The following KY variants were observed in gnomAD, a reference collection of about 807,000 sequenced individuals.
The protein encoded by KY is kyphoscoliosis peptidase.
In KY, 43 loss-of-function variants were observed where a neutral mutation model predicts 76.1. The ratio of observed to expected loss-of-function variants is 0.57; its 90% confidence interval spans 0.44 to 0.73. KY has a LOEUF of 0.73. Ranked by LOEUF, KY falls within the 30% of genes least tolerant of loss-of-function variation. The pLI is 0.00. For synonymous variants in KY, 277 were observed against 326.2 expected (o/e 0.85, Z 1.63); for missense variants, 722 against 828.9 (o/e 0.87, Z 1.58).
rs1045601871 is a variant in KY, at chr3:134,602,645, A to G, written c.*934T>C. ...TCAGGGCTATCCACAAGACTCCCCA[A>G]GGGCCTGGCCAGCCTCTGGAGGCTC... On this transcript the variant is annotated 3_prime_UTR_variant, in exon 11 of 11. Transcript: ENST00000423778. 6.6e-6 allele frequency among the ~76,000 whole-genome samples: 1 copy of G among 152,064 alleles called. No individual in the cohort carries two copies.
At chr3:134,607,259 T>C in intron 10 of KY, 1 of 985,458 alleles carries the variant, frequency 1.0e-6, no homozygotes, top group Non-Finnish European at 1.2e-6. Context: ...TGCCAGGTAT[T>C]TGGAGTTGGA....
intron 1 of KY, among the ~76,000 whole-genome samples, chr3:134,650,139 A>G (rs1966848586): frequency 6.6e-6 from 1 of 152,102 alleles, no homozygotes; most frequent in South Asian, 2.1e-4. Flanking sequence ...TGCTTTCCAC[A>G]ATCACTCTAT....
At chr3:134,639,469 A>G (rs1965434619) in intron 3 of KY, among the ~76,000 whole-genome samples, 1 of 152,156 alleles carries the variant, frequency 6.6e-6, no homozygotes. Context: ...GGAACGGAAA[A>G]CAAAGGACCA....
intron 2 of KY, among the ~76,000 whole-genome samples, chr3:134,647,022 T>C (rs1280893925): frequency 6.6e-6 from 1 of 152,178 alleles, no homozygotes; most frequent in Admixed American, 6.5e-5. Flanking sequence ...TATAGAACCC[T>C]TGAGTGGCAT....
intron 3 of KY, among the ~76,000 whole-genome samples, chr3:134,635,390 G>A (rs1262764594): frequency 2.0e-5 from 3 of 151,398 alleles, no homozygotes; most frequent in African/African-American, 4.9e-5. Flanking sequence ...CCAGCTACTC[G>A]GGAGGCTGAG....
intron 6 of KY, among the ~76,000 whole-genome samples, chr3:134,622,181 T>G (rs1259985749): frequency 6.6e-6 from 1 of 152,196 alleles, no homozygotes; most frequent in Non-Finnish European, 1.5e-5. Flanking sequence ...AATGTAGAAT[T>G]ATCATATGAT....
chr3:134,625,553 G>A (rs945666817), intron 5 of KY, among the ~76,000 whole-genome samples: 5 of 152,180 alleles, frequency 3.3e-5, no homozygotes, highest in Admixed American at 1.3e-4. Context: ...AGTGCTGCTC[G>A]TGCTCACAAG....
At chr3:134,615,939 C>G (rs963153670) in intron 8 of KY, among the ~76,000 whole-genome samples, 1 of 152,210 alleles carries the variant, frequency 6.6e-6, no homozygotes, top group Non-Finnish European at 1.5e-5. Context: ...TGGTGACAAC[C>G]AACTCCCTCA....
intron 10 of KY, chr3:134,607,389 G>A: frequency 1.0e-6 from 1 of 985,610 alleles, no homozygotes; most frequent in Non-Finnish European, 1.2e-6. Context: ...CCTGCAATGT[G>A]GGTTGGAGCT....
chr3:134,650,764 C>T, intron 1 of KY, 61 bp downstream of exon 1: 1 of 1,457,912 alleles, frequency 6.9e-7, no homozygotes, highest in Non-Finnish European at 9.1e-7. Context: ...GCGGGCAGGC[C>T]CTTGTGGCAA....
intron 10 of KY, 22 bp from the exon 11 acceptor site, chr3:134,604,496 C>T (rs2107736261): frequency 6.3e-7 from 1 of 1,586,686 alleles, no homozygotes; most frequent in South Asian, 1.1e-5. Flanking sequence ...AAGTCAGGGT[C>T]AGCAGAGATG....
intron 8 of KY, among the ~76,000 whole-genome samples, chr3:134,618,947 C>T (rs764473707): frequency 6.6e-5 from 10 of 152,108 alleles, no homozygotes; most frequent in Non-Finnish European, 8.8e-5. Flanking sequence ...TAATGCATCG[C>T]GAAGCCCGGC....
intron 3 of KY, among the ~76,000 whole-genome samples, chr3:134,638,518 T>C (rs1233787898): frequency 1.3e-5 from 2 of 152,160 alleles, no homozygotes; most frequent in African/African-American, 4.8e-5. Flanking sequence ...CCACCAGTTG[T>C]CAACAAAATC....
intron 3 of KY, among the ~76,000 whole-genome samples, chr3:134,632,823 A>G (rs904351199): frequency 6.6e-6 from 1 of 152,016 alleles, no homozygotes; most frequent in Non-Finnish European, 1.5e-5. Flanking sequence ...GGTTCTTTTT[A>G]AAGATCAGTA....
rs1244050231 is a variant in KY at position 134,643,370 on chromosome 3, C to T, written c.208G>A (p.Val70Met). Residue 70 changes from valine (V) to methionine (M), a missense_variant, in exon 3 of 11, where the codon GTG (valine) becomes ATG (methionine). Physicochemically the swap from Val to Met is conservative, Grantham distance 21. Transcript: ENST00000423778. The part of the protein sequence containing the change: ...LEGNDFHENL[V>M]EKQHPQQPQV... ...GGCTGCTGAGGGTGCTGCTTCTCCACCAAGTTTTCTATTTAAGGAAGACAG... is the reference window on the plus strand; with the variant it reads ...GGCTGCTGAGGGTGCTGCTTCTCCATCAAGTTTTCTATTTAAGGAAGACAG... 2.5e-6 allele frequency: 4 copies of T among 1,613,888 alleles called. No individual in the cohort carries two copies. Among genetic ancestry groups the T allele is most frequent in the Non-Finnish European group, 3.4e-6 (4 of 1,179,864 alleles).
chr3:134,606,358 G>A (rs1326437591), intron 10 of KY, among the ~76,000 whole-genome samples: 1 of 152,038 alleles, frequency 6.6e-6, no homozygotes, highest in African/African-American at 2.4e-5. Flanking sequence ...TTCCTGCCTC[G>A]CCAGTATCAA....
In KY at chr3:134,629,705, A is replaced by G. The variant is rs934584857; in HGVS notation, c.263-10T>C. 4 of 1,571,632 alleles carry G rather than the reference A, an allele frequency of 2.5e-6. No individual in the cohort carries two copies. Among genetic ancestry groups the G allele is most frequent in the Non-Finnish European group, 3.5e-6 (4 of 1,154,472 alleles). ...ACAGTCAGTTGTGTCCCTACAAAGGAAAAGGAGATGACATTCTCAACCAGA... is the reference window on the plus strand; with the variant it reads ...ACAGTCAGTTGTGTCCCTACAAAGGGAAAGGAGATGACATTCTCAACCAGA... On this transcript the variant is annotated splice_polypyrimidine_tract_variant and intron_variant, in intron 3 of 10. Coordinates refer to ENST00000423778, the MANE Select transcript of KY (RefSeq NM_178554.6).
intron 10 of KY, chr3:134,607,503 G>A: frequency 1.0e-6 from 1 of 985,706 alleles, no homozygotes; most frequent in Non-Finnish European, 1.2e-6. Context: ...CAGAGACGGT[G>A]CCACCAGGCA....
At position 134,604,298 on chromosome 3, in the gene KY, C is replaced by T. The variant is rs548357006; in HGVS notation, c.1267G>A (p.Asp423Asn). The change falls in exon 11 of 11, where the codon GAC becomes AAC. Residue 423 changes from aspartate (D) to asparagine (N), a missense_variant. Asp to Asn is a conservative substitution (Grantham distance 23). Transcript: ENST00000423778. ...KLQIFAKGNSDIYSSVLEYTL... is the reference protein window; with the variant it reads ...KLQIFAKGNSNIYSSVLEYTL... ...TACTCCAGCACTGAGCTGTAGATGTCGGAGTTGCCCTTGGCAAAGATCTGC... is the reference window on the plus strand; with the variant it reads ...TACTCCAGCACTGAGCTGTAGATGTTGGAGTTGCCCTTGGCAAAGATCTGC... 13 of 1,613,966 alleles carry T rather than the reference C, an allele frequency of 8.1e-6. No individual in the cohort carries two copies. Among genetic ancestry groups the T allele is most frequent in the East Asian group, 6.7e-5 (3 of 44,868 alleles).
Sources: allele counts gnomAD v4.1 joint callset (sites outside exome capture counted in the v4.1 genomes callset), GRCh38; gene constraint gnomAD v4.1.1; transcripts MANE v1.5; gene names NCBI Gene and HGNC (gene_info 2026-07-23, HGNC 2026-07-21).